Variants in BMAL2 observed in about 807,000 individuals in gnomAD.
BMAL2 encodes the protein basic helix-loop-helix ARNT like 2, also known as basic helix-loop-helix ARNT-like protein 2.
At chr12:27,409,231 T>A in the BMAL2 span, among the ~76,000 whole-genome samples, 39 of 152,136 alleles carry the variant, frequency 2.6e-4, no homozygotes, top group African/African-American at 9.4e-4. Flanking sequence ...CTTCACAGAA[T>A]TGGAAAAAAC....
At chr12:27,341,276 T>A in the BMAL2 span, among the ~76,000 whole-genome samples, 1 of 152,220 alleles carries the variant, frequency 6.6e-6, no homozygotes, top group Non-Finnish European at 1.5e-5. Context: ...CTTATTATTT[T>A]GAGGTATGTT....
At chr12:27,353,442 C>T in the BMAL2 span, among the ~76,000 whole-genome samples, 2 of 152,140 alleles carry the variant, frequency 1.3e-5, no homozygotes, top group Non-Finnish European at 2.9e-5. Context: ...GGATTAAAGA[C>T]TTAAATATAA....
the BMAL2 span, among the ~76,000 whole-genome samples, chr12:27,419,984 G>A: frequency 6.8e-6 from 1 of 146,664 alleles, no homozygotes; most frequent in Non-Finnish European, 1.5e-5. Flanking sequence ...TTTTTCATAA[G>A]CAGATTAAAT....
At chr12:27,359,930 G>A in the BMAL2 span, among the ~76,000 whole-genome samples, 1 of 151,446 alleles carries the variant, frequency 6.6e-6, no homozygotes, top group Non-Finnish European at 1.5e-5. Flanking sequence ...GGGTGTGCCT[G>A]TAGTCCCAGC....
the BMAL2 span, chr12:27,380,284 A>T: frequency 6.2e-7 from 1 of 1,614,212 alleles, no homozygotes; most frequent in East Asian, 2.2e-5. Context: ...GAGGAGAGAT[A>T]AAATGAATAA....
the BMAL2 span, among the ~76,000 whole-genome samples, chr12:27,391,080 A>G: frequency 1.3e-5 from 2 of 152,212 alleles, no homozygotes; most frequent in East Asian, 3.9e-4. Flanking sequence ...AAAATTTTCA[A>G]CATTTATTTT....
At chr12:27,352,661 T>C in the BMAL2 span, among the ~76,000 whole-genome samples, 3 of 152,220 alleles carry the variant, frequency 2.0e-5, no homozygotes, top group Admixed American at 1.3e-4. Context: ...TTATCTCTCT[T>C]CACTGACAAT....
the BMAL2 span, among the ~76,000 whole-genome samples, chr12:27,349,437 T>C: frequency 6.6e-6 from 1 of 152,242 alleles, no homozygotes; most frequent in African/African-American, 2.4e-5. Context: ...TATATTTCAC[T>C]AATTATATGA....
At chr12:27,394,683 C>G in the BMAL2 span, 1 of 152,204 alleles carries the variant, frequency 6.6e-6, no homozygotes, top group Non-Finnish European at 1.5e-5. Context: ...TTAGCAAATG[C>G]TGTGGACTGA....
the BMAL2 span, among the ~76,000 whole-genome samples, chr12:27,388,108 C>A: frequency 6.6e-6 from 1 of 151,890 alleles, no homozygotes; most frequent in Admixed American, 6.6e-5. Context: ...TGCACGCACA[C>A]ACACACACAC....
the BMAL2 span, among the ~76,000 whole-genome samples, chr12:27,349,204 A>G: frequency 6.6e-6 from 1 of 152,198 alleles, no homozygotes; most frequent in African/African-American, 2.4e-5. Context: ...CTCGTATTTC[A>G]TATTTCATGT....
chr12:27,371,540 G>A, the BMAL2 span, among the ~76,000 whole-genome samples: 1 of 151,942 alleles, frequency 6.6e-6, no homozygotes, highest in African/African-American at 2.4e-5. Flanking sequence ...GAGAGTTGAG[G>A]GATAAACACG....
At chr12:27,346,497 A>G in the BMAL2 span, among the ~76,000 whole-genome samples, 2 of 152,156 alleles carry the variant, frequency 1.3e-5, no homozygotes, top group Non-Finnish European at 2.9e-5. Flanking sequence ...TCCTGACCTC[A>G]GGTGATCCAC....
chr12:27,403,322 A>G, the BMAL2 span: 5 of 719,602 alleles, frequency 6.9e-6, no homozygotes, highest in Admixed American at 2.8e-5. Flanking sequence ...GTGTTTTCCA[A>G]CTTTTTTGGA....
chr12:27,422,254 T>C, the BMAL2 span: 1 of 152,226 alleles, frequency 6.6e-6, no homozygotes, highest in African/African-American at 2.4e-5. Context: ...TGGGAACTCA[T>C]GGGGCAGCCC....
the BMAL2 span, among the ~76,000 whole-genome samples, chr12:27,367,241 T>TAATAACCGAATCTAATAACCGCGAACA: frequency 2.0e-5 from 3 of 147,442 alleles, no homozygotes; most frequent in Admixed American, 6.8e-5. Flanking sequence ...CCGAACCAGC[T>TAATAACCGAATCTAATAACCGCGAACA]ACTAAGTGAC....
At chr12:27,385,676 C>A in the BMAL2 span, 2 of 614,348 alleles carry the variant, frequency 3.3e-6, no homozygotes, top group South Asian at 2.2e-5. Flanking sequence ...CATATTACAC[C>A]GTATTTCCTT....
the BMAL2 span, chr12:27,400,465 G>A: frequency 7.8e-7 from 1 of 1,286,750 alleles, no homozygotes; most frequent in Non-Finnish European, 1.1e-6. Context: ...TATTATAGAT[G>A]TCAATATAAG....
the BMAL2 span, among the ~76,000 whole-genome samples, chr12:27,391,097 A>G: frequency 6.6e-6 from 1 of 152,196 alleles, no homozygotes; most frequent in African/African-American, 2.4e-5. Flanking sequence ...TTTTAGATAC[A>G]GGGACTACAT....
Sources: gnomAD v4.1 joint callset for allele counts (sites outside exome capture counted in the v4.1 genomes callset) on GRCh38, gnomAD v4.1.1 for gene constraint, MANE v1.5 for transcripts, NCBI Gene and HGNC (gene_info 2026-07-23, HGNC 2026-07-21) for gene names.